CCDC88A: variants seen among roughly 807,000 people sequenced by gnomAD.
CCDC88A encodes the protein girdin.
In CCDC88A, 54 loss-of-function variants were observed where a neutral mutation model predicts 234.3. The ratio of observed to expected loss-of-function variants is 0.23; its 90% CI spans 0.19 to 0.29. The LOEUF is 0.29. CCDC88A is among the 10% of genes least tolerant of loss of function. The probability of loss-of-function intolerance (pLI) is 1.00; values close to 1 mark genes in which losing one functional copy is unlikely to be tolerated. For missense variants in CCDC88A, 1,832 were observed against 2,123.4 expected (o/e 0.86, Z 2.70); for synonymous variants, 753 against 737.8 (o/e 1.02, Z -0.33).
chr2:55,322,595 C>T lies in CCDC88A; in HGVS notation c.3095G>A (p.Arg1032Gln), dbSNP rs201678253. 9.3e-6 allele frequency: 15 copies of T among 1,608,180 alleles called. No homozygotes were observed. Among genetic ancestry groups the T allele is most frequent in the South Asian group, 3.3e-5 (3 of 90,614 alleles). Reference protein sequence around the residue: ...PISGEDNKWERESQETTRELL... With the variant: ...PISGEDNKWEQESQETTRELL... ...TTCTCTAGTCGTTTCTTGACTTTCT[C>T]GCTCCCATTTGTTGTCTTCACCAGA... The change falls in exon 18 of 33, where the codon CGA becomes CAA. Residue 1032 changes from arginine to glutamine, a missense_variant. Physicochemically the swap from Arg to Gln is conservative, Grantham distance 43. Coordinates refer to ENST00000436346, the MANE Select transcript of CCDC88A (RefSeq NM_001365480.1).
At chr2:55,297,283 T>C (rs370804753) in intron 29 of CCDC88A, 1 of 22,748 alleles carries the variant, frequency 4.4e-5, no homozygotes, top group Non-Finnish European at 2.2e-4. Context: ...ATATTATATA[T>C]AATATATATA....
chr2:55,332,073 T>G lies in CCDC88A; in HGVS notation c.2855+493A>C, dbSNP rs1684975045. The G allele has an allele frequency of 6.6e-6, 1 of 152,134 alleles. No homozygotes were observed. Among genetic ancestry groups the G allele is most frequent in the African/African-American group, 2.4e-5 (1 of 41,430 alleles). The allele number at this position is 152,134 out of a possible 1,614,324, so 9.4% of individuals were successfully genotyped here. A position where few individuals can be genotyped will look rare whatever the true frequency, so the allele number is the denominator to read the frequency against. On this transcript the variant is annotated intron_variant, in intron 16 of 32. Coordinates refer to ENST00000436346, the MANE Select transcript of CCDC88A (RefSeq NM_001365480.1). The surrounding 1 kb of genome is among the most constrained non-coding windows in gnomAD (Gnocchi z 4.5). ...CATTTTAGTTTTTTGTTTTCTTATA[T>G]CTATATTAGATTGTCTATGATTCCT...
chr2:55,306,148 C>T (rs1333320189), intron 25 of CCDC88A: 1 of 152,174 alleles, frequency 6.6e-6, no homozygotes, highest in East Asian at 1.9e-4. Flanking sequence ...ATCTCTTGAC[C>T]TTGTGATCTG....
At chr2:55,399,141 T>G (rs886577890) in intron 2 of CCDC88A, among the ~76,000 whole-genome samples, 2 of 152,048 alleles carry the variant, frequency 1.3e-5, no homozygotes, top group African/African-American at 4.8e-5. Flanking sequence ...TATCAGGAAG[T>G]CATAGACAAT....
At chr2:55,355,841 G>A in intron 7 of CCDC88A, 90 bp from the exon 8 acceptor site, 3 of 952,702 alleles carry the variant, frequency 3.1e-6, no homozygotes, top group Non-Finnish European at 4.7e-6. Context: ...GAATTGTACT[G>A]CCATATCAAA....
rs377639287 is a variant in CCDC88A, at chr2:55,375,443, T to A, written c.274-560A>T. On this transcript the variant is annotated intron_variant, in intron 3 of 32. Transcript: ENST00000436346. ...TCTCACTGAGGAAACTAAAAATACA[T>A]CAAATTTATAAGTACTGTCACTGTA... 4.9e-5 allele frequency among the ~76,000 whole-genome samples: 7 copies of A among 143,462 alleles called. No individual in the cohort carries two copies. In the South Asian group the frequency reaches 1.3e-3, roughly 27 times the overall value. 94.1% of individuals were successfully genotyped at this position (143,462 alleles called of 152,430 possible). A position where few individuals can be genotyped will look rare whatever the true frequency, so the allele number is the denominator to read the frequency against.
chr2:55,293,713 CT>C (rs1416064636), intron 31 of CCDC88A: 1 of 152,066 alleles, frequency 6.6e-6, no homozygotes, highest in Admixed American at 6.6e-5. Flanking sequence ...CAGCTATAGG[CT>C]AAATCCAAAT....
intron 9 of CCDC88A, among the ~76,000 whole-genome samples, chr2:55,347,854 T>C (rs1669366406): frequency 6.6e-6 from 1 of 151,832 alleles, no homozygotes; most frequent in East Asian, 1.9e-4. Flanking sequence ...TCAAGTGATC[T>C]GCCTGCCTTG....
At chr2:55,298,205 G>A (rs2104560515) in intron 29 of CCDC88A, among the ~76,000 whole-genome samples, 1 of 152,174 alleles carries the variant, frequency 6.6e-6, no homozygotes, top group South Asian at 2.1e-4. Flanking sequence ...CCCAGTCACA[G>A]AGAGTAAAGT....
chr2:55,288,619 C>T lies in CCDC88A; in HGVS notation c.*2581G>A, dbSNP rs1217268447. 6.6e-6 allele frequency: 1 copy of T among 152,604 alleles called. No homozygotes were observed. The highest frequency in any genetic ancestry group is 2.1e-4 in the South Asian group (1 of 4,832). 9.5% of individuals were successfully genotyped at this position (152,604 alleles called of 1,614,324 possible). The stretch of plus-strand genomic sequence containing the variant: ...GCTACATACAAACCTGTTTTGTGAA[C>T]TCTTTGGTAACCACCAATTTAAAAA... On this transcript the variant is annotated 3_prime_UTR_variant, in exon 33 of 33. Transcript: ENST00000436346.
intron 5 of CCDC88A, among the ~76,000 whole-genome samples, chr2:55,369,380 T>G (rs1672493056): frequency 6.6e-6 from 1 of 151,364 alleles, no homozygotes. Flanking sequence ...CCTTCATAAC[T>G]CAATTCATGT....
chr2:55,314,246 A>C (rs146602996), intron 22 of CCDC88A: 10 of 152,424 alleles, frequency 6.6e-5, no homozygotes, highest in Non-Finnish European at 1.2e-4. Flanking sequence ...CCTGGCCCAT[A>C]CATCAGTGAG....
At chr2:55,403,508 G>A (rs1284606339) in intron 2 of CCDC88A, 1 of 152,272 alleles carries the variant, frequency 6.6e-6, no homozygotes, top group Non-Finnish European at 1.5e-5. Context: ...CACACAATTT[G>A]GTACAATTCC....
intron 13 of CCDC88A, chr2:55,337,731 T>C (rs904352658): frequency 1.3e-5 from 2 of 152,132 alleles, no homozygotes; most frequent in African/African-American, 2.4e-5. Flanking sequence ...TCCTAGCTAC[T>C]TGAGAGGCTG....
chr2:55,419,745 C>G lies in CCDC88A; in HGVS notation c.-666G>C, dbSNP rs1002302267. On this transcript the variant is annotated 5_prime_UTR_variant, in exon 1 of 33. Transcript: ENST00000436346. ...GGGGGCTTGAATGTGTGTCCCTAAC[C>G]CCCCAGCTTCCTAAGCCCTGCCAGC... 4.6e-5 allele frequency: 7 copies of G among 152,342 alleles called. No homozygotes were observed. The highest frequency in any genetic ancestry group is 1.4e-4 in the African/African-American group (6 of 41,390). The allele number at this position is 152,342 out of a possible 1,614,324, so 9.4% of individuals were successfully genotyped here.
intron 2 of CCDC88A, chr2:55,405,256 T>G (rs917980856): frequency 6.6e-6 from 1 of 152,114 alleles, no homozygotes; most frequent in Non-Finnish European, 1.5e-5. Flanking sequence ...AAATCAAATC[T>G]AACTTCCTCC....
chr2:55,402,552 T>C (rs1678879516), intron 2 of CCDC88A, among the ~76,000 whole-genome samples: 1 of 152,230 alleles, frequency 6.6e-6, no homozygotes, highest in Non-Finnish European at 1.5e-5. Flanking sequence ...CTTTTCTTTC[T>C]CTGTTTTACA....
chr2:55,375,006 G>A, intron 3 of CCDC88A, 123 bp from the exon 4 acceptor site: 1 of 562,158 alleles, frequency 1.8e-6, no homozygotes, highest in Non-Finnish European at 3.2e-6. Context: ...AAACAAATAT[G>A]GAAAAAGTTA....
chr2:55,365,749 T>G (rs986147322), intron 5 of CCDC88A, among the ~76,000 whole-genome samples: 1 of 152,156 alleles, frequency 6.6e-6, no homozygotes, highest in Non-Finnish European at 1.5e-5. Context: ...ACAGAATAAA[T>G]TTCATAGGCT....
Sources: allele counts gnomAD v4.1 joint callset (sites outside exome capture counted in the v4.1 genomes callset), GRCh38; gene constraint gnomAD v4.1.1; non-coding constraint Gnocchi (gnomAD v3.1); transcripts MANE v1.5; gene names NCBI Gene and HGNC (gene_info 2026-07-23, HGNC 2026-07-21).